Variants in CLRN2 observed in about 807,000 individuals in gnomAD.
CLRN2 encodes clarin-2.
A neutral mutation model predicts 20.1 loss-of-function variants in CLRN2; 17 were observed. The observed-to-expected ratio is 0.85, with a 90% confidence interval of 0.58 to 1.27. CLRN2 has a LOEUF of 1.27. Among genes scored for constraint, CLRN2 ranks in the 50% most tolerant of loss-of-function variants. The pLI, the probability that CLRN2 is intolerant of heterozygous loss-of-function variation, is 0.00. For missense variants in CLRN2, 288 were observed against 299.5 expected (o/e 0.96, Z 0.28); for synonymous variants, 140 against 126.9 (o/e 1.10, Z -0.70).
At position 17,515,358 on chromosome 4, in the gene CLRN2, C is replaced by G; in HGVS notation, c.92C>G (p.Pro31Arg). Residue 31 changes from proline (P) to arginine (R), a missense_variant, in exon 1 of 3, where the codon CCC becomes CGC. Physicochemically the swap from Pro to Arg is moderately radical, Grantham distance 103. Transcript: ENST00000511148. The part of the protein sequence containing the change: ...FILIIVALVV[P>R]HWLSGKILCQ... ...CTGATCATCGTTGCCCTGGTAGTGCCCCACTGGCTGAGTGGGAAAATCCTT... is the reference window on the plus strand; with the variant it reads ...CTGATCATCGTTGCCCTGGTAGTGCGCCACTGGCTGAGTGGGAAAATCCTT... 1.2e-6 allele frequency: 2 copies of G among 1,613,968 alleles called. No homozygotes were observed. Among genetic ancestry groups the G allele is most frequent in the Non-Finnish European group, 1.7e-6 (2 of 1,179,902 alleles).
chr4:17,526,554 C>T (rs1711981314), intron 2 of CLRN2, among the ~76,000 whole-genome samples: 1 of 152,156 alleles, frequency 6.6e-6, no homozygotes, highest in Non-Finnish European at 1.5e-5. Flanking sequence ...AGCAAGACTC[C>T]ATCTCAAAAC....
At position 17,515,461 on chromosome 4, in the gene CLRN2, C is replaced by T. The variant is rs777503649; in HGVS notation, c.195C>T (p.Leu65=). The part of the protein sequence containing the change: ...VKFIGDIYYG[L]FRGCKVRQCG... ...TCATTGGGGACATTTACTACGGGCT[C>T]TTCCGAGGGTGTAAAGTGCGGCAGT... Residue 65 remains leucine (L), a synonymous_variant, in exon 1 of 3, where the codon CTC becomes CTT. Coordinates refer to ENST00000511148, the MANE Select transcript of CLRN2 (RefSeq NM_001079827.2). 1 of 1,613,976 alleles carries T rather than the reference C, an allele frequency of 6.2e-7. No individual in the cohort carries two copies. Among genetic ancestry groups the T allele is most frequent in the Non-Finnish European group, 8.5e-7 (1 of 1,179,878 alleles).
At chr4:17,524,411 T>C (rs1711916803) in intron 2 of CLRN2, among the ~76,000 whole-genome samples, 1 of 152,316 alleles carries the variant, frequency 6.6e-6, no homozygotes, top group African/African-American at 2.4e-5. Flanking sequence ...CTCGCTATGA[T>C]TACCTTATAC....
chr4:17,517,495 C>A (rs1458772259), intron 1 of CLRN2, among the ~76,000 whole-genome samples: 1 of 152,186 alleles, frequency 6.6e-6, no homozygotes, highest in Non-Finnish European at 1.5e-5. Context: ...AATGACCAGA[C>A]CCCTGCCATT....
intron 1 of CLRN2, among the ~76,000 whole-genome samples, chr4:17,521,092 GA>G (rs932118651): frequency 7.4e-5 from 11 of 148,488 alleles, no homozygotes; most frequent in South Asian, 6.4e-4. Flanking sequence ...TTTGAAAAGA[GA>G]AAAAAAAAAT....
chr4:17,519,170 TTAGATGCTGA>T (rs890281892), intron 1 of CLRN2, among the ~76,000 whole-genome samples: 26 of 152,306 alleles, frequency 1.7e-4, no homozygotes, highest in Admixed American at 3.9e-4. Flanking sequence ...ACAAATTATC[TTAGATGCTGA>T]TAGATGCTGA....
chr4:17,526,824 C>T lies in CLRN2; in HGVS notation c.441C>T (p.Val147=), dbSNP rs1417650991. 19 of 1,613,852 alleles carry T rather than the reference C, an allele frequency of 1.2e-5. No individual in the cohort carries two copies. Among genetic ancestry groups the T allele is most frequent in the Non-Finnish European group, 1.5e-5 (18 of 1,179,840 alleles). ...GACCTTTTTGAGTTTCAGGCGGCGT[C>T]GTGGCGTTAGCCATCGCCAGCTTCG... ...ICLWNVLAGG[V]VALAIASFVA... Residue 147 remains valine, a synonymous_variant, in exon 3 of 3, where the codon GTC becomes GTT. Transcript: ENST00000511148.
intron 1 of CLRN2, among the ~76,000 whole-genome samples, chr4:17,521,554 C>G (rs1711837800): frequency 6.6e-6 from 1 of 152,188 alleles, no homozygotes; most frequent in African/African-American, 2.4e-5. Flanking sequence ...TGATACCATA[C>G]AGTTGTGAAC....
At chr4:17,523,375 CA>C (rs1405952714) in intron 2 of CLRN2, among the ~76,000 whole-genome samples, 2 of 152,020 alleles carry the variant, frequency 1.3e-5, no homozygotes, top group Admixed American at 1.3e-4. Context: ...CCACCATGCC[CA>C]GCTAATTTTT....
rs1241929815 is a variant in CLRN2 at position 17,523,012 on chromosome 4, T to C, written c.402T>C (p.Pro134=). The C allele has an allele frequency of 6.2e-7, 1 of 1,613,342 alleles. No individual in the cohort carries two copies. Among genetic ancestry groups the C allele is most frequent in the Non-Finnish European group, 8.5e-7 (1 of 1,179,806 alleles). ...IQVPYRAVSG[P]GGICLWNVLA... is the part of the protein sequence containing the mutation. Reference sequence around the variant, plus strand: ...TCCCGTACCGGGCAGTCAGCGGTCCTGGGGGCATCTGCCTATGGAATGTCC... The same window carrying C: ...TCCCGTACCGGGCAGTCAGCGGTCCCGGGGGCATCTGCCTATGGAATGTCC... Residue 134 remains proline (P), a synonymous_variant, in exon 2 of 3, where the codon CCT becomes CCC. Transcript: ENST00000511148.
At chr4:17,524,075 G>C (rs562410209) in intron 2 of CLRN2, among the ~76,000 whole-genome samples, 5 of 151,944 alleles carry the variant, frequency 3.3e-5, no homozygotes, top group South Asian at 2.1e-4. Context: ...TTAAACAGTC[G>C]CACCACAATG....
At chr4:17,518,231 C>G (rs570754300) in intron 1 of CLRN2, among the ~76,000 whole-genome samples, 2 of 152,248 alleles carry the variant, frequency 1.3e-5, no homozygotes, top group African/African-American at 2.4e-5. Context: ...TAAATTCCCA[C>G]GCCAATCATG....
intron 2 of CLRN2, among the ~76,000 whole-genome samples, 170 bp downstream of exon 2, chr4:17,523,213 C>CTTTTTTT (rs113987711): frequency 7.1e-6 from 1 of 141,336 alleles, no homozygotes; most frequent in Non-Finnish European, 1.5e-5. Flanking sequence ...TTTTCTTTTT[C>CTTTTTTT]TTTTTTTTTT....
chr4:17,519,689 G>A (rs978515662), intron 1 of CLRN2, among the ~76,000 whole-genome samples: 3 of 152,152 alleles, frequency 2.0e-5, no homozygotes, highest in African/African-American at 7.2e-5. Context: ...TTAATTCCTA[G>A]TGGGAGACAT....
intron 1 of CLRN2, 113 bp from the exon 2 acceptor site, chr4:17,522,751 G>T (rs1050511630): frequency 4.7e-6 from 5 of 1,053,822 alleles, no homozygotes; most frequent in Non-Finnish European, 6.9e-6. Flanking sequence ...CCCCACGCTT[G>T]CTGTCTTGCC....
In CLRN2 at chr4:17,526,648, C is replaced by T. The variant is rs147368664; in HGVS notation, c.434-169C>T. ...TTTCCCCGCACAATCCTGCCTTTCT[C>T]CTTCATACTGTGTGGGTTATCTCCT... On this transcript the variant is annotated intron_variant, in intron 2 of 2. Transcript: ENST00000511148. Among the ~76,000 whole-genome samples the T allele has an allele frequency of 4.6e-3, 702 of 152,334 alleles. 4 individuals carry two copies. The highest frequency in any genetic ancestry group is 0.016 in the African/African-American group (653 of 41,572).
At chr4:17,520,471 GA>G (rs2109002264) in intron 1 of CLRN2, among the ~76,000 whole-genome samples, 1 of 152,252 alleles carries the variant, frequency 6.6e-6, no homozygotes, top group African/African-American at 2.4e-5. Flanking sequence ...AGTGCTTCTG[GA>G]AAATAAATTC....
intron 2 of CLRN2, among the ~76,000 whole-genome samples, chr4:17,525,729 G>GA (rs1254100846): frequency 1.3e-5 from 2 of 151,994 alleles, no homozygotes; most frequent in African/African-American, 2.4e-5. Context: ...CAAGTGAGGG[G>GA]AAAAAAATCA....
At chr4:17,518,985 CA>C (rs1447340352) in intron 1 of CLRN2, among the ~76,000 whole-genome samples, 1 of 152,114 alleles carries the variant, frequency 6.6e-6, no homozygotes, top group Non-Finnish European at 1.5e-5. Context: ...TCTTTAAAAG[CA>C]CCTAATGTAA....
Sources: gnomAD v4.1 joint callset for allele counts (sites outside exome capture counted in the v4.1 genomes callset) on GRCh38, gnomAD v4.1.1 for gene constraint, MANE v1.5 for transcripts, NCBI Gene and HGNC (gene_info 2026-07-23, HGNC 2026-07-21) for gene names.